RHBDL2: variants seen among roughly 807,000 people sequenced by gnomAD.
RHBDL2 encodes rhomboid like 2, also known as rhomboid-related protein 2.
Under a neutral mutation model 31.7 loss-of-function variants are expected in RHBDL2, and 26 were observed. The ratio of observed to expected loss-of-function variants is 0.82; its 90% CI spans 0.60 to 1.14. The LOEUF (loss-of-function observed/expected upper bound fraction) is 1.14, where lower values mean the gene tolerates loss of function less well. Among genes scored for constraint, RHBDL2 ranks in the 50% most tolerant of loss-of-function variants. The pLI is 0.00. For synonymous variants in RHBDL2, 123 were observed against 127.2 expected, an observed-to-expected ratio of 0.97 and a Z score of 0.22; for missense variants, 336 against 364.4, an observed-to-expected ratio of 0.92 and a Z score of 0.63.
Position 38,918,902 on chromosome 1 carries a change from AC to A in RHBDL2, c.246+64del, listed in dbSNP as rs967472153. The A allele has an allele frequency of 1.9e-6, 3 of 1,562,318 alleles. No homozygotes were observed. The African/African-American group carries it at 4.1e-5, about 21-fold the overall frequency. Reference sequence around the variant, plus strand: ...AGTCTCTTCTCTAGATCTAGATCTGACCCCTAGTTTGTTCCCAGCTTCCCCA... The same window carrying A: ...AGTCTCTTCTCTAGATCTAGATCTGACCCTAGTTTGTTCCCAGCTTCCCCA... On this transcript the variant is annotated intron_variant, in intron 2 of 7. Transcript: ENST00000372990.
intron 1 of RHBDL2, among the ~76,000 whole-genome samples, chr1:38,938,232 G>C (rs1643530316): frequency 1.3e-5 from 2 of 151,790 alleles, no homozygotes; most frequent in South Asian, 4.2e-4. Context: ...GGTCAGGCTG[G>C]TCTCGAACTC....
Position 38,897,776 on chromosome 1 carries a change from T to TA in RHBDL2, c.509-1708dup, listed in dbSNP as rs1553158164. 2.6e-5 allele frequency among the ~76,000 whole-genome samples: 4 copies of TA among 152,160 alleles called. No homozygotes were observed. In the East Asian group the frequency reaches 7.8e-4, roughly 29 times the overall value. On this transcript the variant is annotated intron_variant, in intron 4 of 7. Transcript: ENST00000372990. ...AAAAGAGAAGAAGGTATTCAGGACTTAGAGAACTGGAAAAGCAATGGCATA... is the reference window on the plus strand; with the variant it reads ...AAAAGAGAAGAAGGTATTCAGGACTTAAGAGAACTGGAAAAGCAATGGCATA...
At chr1:38,934,033 G>A (rs2124355018) in intron 1 of RHBDL2, among the ~76,000 whole-genome samples, 1 of 152,194 alleles carries the variant, frequency 6.6e-6, no homozygotes, top group East Asian at 1.9e-4. Flanking sequence ...GTGTCCACAA[G>A]TCTTCATAAA....
At chr1:38,925,966 T>C (rs1352262988) in intron 1 of RHBDL2, 1 of 1,270,952 alleles carries the variant, frequency 7.9e-7, no homozygotes, top group Non-Finnish European at 1.0e-6. Context: ...AAATTGCAAG[T>C]GTTGAATCTG....
chr1:38,931,583 G>A (rs962819688), intron 1 of RHBDL2, among the ~76,000 whole-genome samples: 1 of 151,820 alleles, frequency 6.6e-6, no homozygotes, highest in African/African-American at 2.4e-5. Flanking sequence ...ACAGCTCCCA[G>A]GGGATTCTTA....
intron 1 of RHBDL2, among the ~76,000 whole-genome samples, chr1:38,939,477 C>T (rs2124359942): frequency 6.6e-6 from 1 of 152,234 alleles, no homozygotes; most frequent in Admixed American, 6.5e-5. Flanking sequence ...TCCTGGGCAA[C>T]ATGATGAAAC....
chr1:38,909,668 G>T (rs551209858), intron 4 of RHBDL2, among the ~76,000 whole-genome samples: 9 of 152,008 alleles, frequency 5.9e-5, no homozygotes, highest in African/African-American at 2.2e-4. Flanking sequence ...TTTGAACCTG[G>T]GAAACGGAGG....
At chr1:38,901,499 A>G (rs1171482382) in intron 4 of RHBDL2, among the ~76,000 whole-genome samples, 8 of 151,138 alleles carry the variant, frequency 5.3e-5, no homozygotes, top group Non-Finnish European at 7.4e-5. Flanking sequence ...AAAGAAGGAA[A>G]GAAAAAAAGA....
At chr1:38,922,075 G>T (rs140229302) in intron 1 of RHBDL2, among the ~76,000 whole-genome samples, 1 of 152,208 alleles carries the variant, frequency 6.6e-6, no homozygotes, top group African/African-American at 2.4e-5. Flanking sequence ...ACAACTTCAA[G>T]ACCACCATTT....
At chr1:38,895,094 G>A (rs1369951406) in intron 5 of RHBDL2, among the ~76,000 whole-genome samples, 2 of 152,082 alleles carry the variant, frequency 1.3e-5, no homozygotes, top group Non-Finnish European at 2.9e-5. Flanking sequence ...AATAAATCAT[G>A]GTGCATCTAT....
intron 1 of RHBDL2, among the ~76,000 whole-genome samples, chr1:38,922,698 C>T (rs1254797697): frequency 1.4e-5 from 2 of 147,902 alleles, no homozygotes; most frequent in African/African-American, 2.5e-5. Context: ...ACAGGTGCTC[C>T]TTCCAGTCTC....
In RHBDL2 at chr1:38,919,095, C is replaced by T. The variant is rs750379536; in HGVS notation, c.118G>A (p.Ala40Thr). Residue 40 changes from alanine to threonine, a missense_variant, in exon 2 of 8, where the codon GCC becomes ACC. By Grantham distance (58) the Ala-to-Thr change is moderately conservative. Transcript: ENST00000372990. ...MREDGGGKDR[A>T]KSKKVHRIVS... Reference sequence around the variant, plus strand: ...ATCCTGTGGACCTTTTTACTCTTGGCCCGATCTTTACCTCCCCCATCCTCT... The same window carrying T: ...ATCCTGTGGACCTTTTTACTCTTGGTCCGATCTTTACCTCCCCCATCCTCT... 1 of 1,614,158 alleles carries T rather than the reference C, an allele frequency of 6.2e-7. No individual in the cohort carries two copies. Among genetic ancestry groups the T allele is most frequent in the South Asian group, 1.1e-5 (1 of 91,084 alleles).
At position 38,886,521 on chromosome 1, in the gene RHBDL2, G is replaced by A; in HGVS notation, c.895C>T (p.Leu299=). ...GGGGCAGGTCAGTTTGCTGGAGATA[G>A]GAAAATGTTGAAAAACACAGCAAAT... The part of the protein sequence containing the change: ...VLFAVFFNIF[L]SPAN The change falls in exon 8 of 8, where the codon CTA becomes TTA. Residue 299 remains leucine, a synonymous_variant. Coordinates refer to ENST00000372990, the MANE Select transcript of RHBDL2 (RefSeq NM_017821.5). 1 of 1,584,518 alleles carries A rather than the reference G, an allele frequency of 6.3e-7. No individual in the cohort carries two copies. The highest frequency in any genetic ancestry group is 8.6e-7 in the Non-Finnish European group (1 of 1,160,232).
At chr1:38,934,035 C>A (rs1643466039) in intron 1 of RHBDL2, among the ~76,000 whole-genome samples, 1 of 152,076 alleles carries the variant, frequency 6.6e-6, no homozygotes. Context: ...GTCCACAAGT[C>A]TTCATAAATC....
intron 1 of RHBDL2, chr1:38,925,984 CA>C: frequency 7.9e-7 from 1 of 1,270,588 alleles, no homozygotes; most frequent in Non-Finnish European, 1.0e-6. Flanking sequence ...CTGCAAATGT[CA>C]AAGACTTCCA....
At chr1:38,908,804 T>C (rs1039721684) in intron 4 of RHBDL2, among the ~76,000 whole-genome samples, 17 of 152,192 alleles carry the variant, frequency 1.1e-4, no homozygotes, top group African/African-American at 4.1e-4. Context: ...GTCAGCTCAA[T>C]TATACTTGTG....
chr1:38,908,532 A>C (rs1364184960), intron 4 of RHBDL2, among the ~76,000 whole-genome samples: 2 of 151,558 alleles, frequency 1.3e-5, no homozygotes, highest in Non-Finnish European at 2.9e-5. Context: ...AAAAAAAAAA[A>C]AAAAACCATG....
chr1:38,891,143 C>T (rs916250920), intron 6 of RHBDL2, among the ~76,000 whole-genome samples: 1 of 151,368 alleles, frequency 6.6e-6, no homozygotes, highest in East Asian at 1.9e-4. Flanking sequence ...GTGGCATGCA[C>T]CTGTTGACAG....
At chr1:38,889,828 C>T (rs1176031664) in intron 6 of RHBDL2, among the ~76,000 whole-genome samples, 1 of 152,166 alleles carries the variant, frequency 6.6e-6, no homozygotes, top group Non-Finnish European at 1.5e-5. Context: ...ACTTAGTGAG[C>T]CACTGTGTCC....
Sources: allele counts gnomAD v4.1 joint callset (sites outside exome capture counted in the v4.1 genomes callset), GRCh38; gene constraint gnomAD v4.1.1; transcripts MANE v1.5; gene names NCBI Gene and HGNC (gene_info 2026-07-23, HGNC 2026-07-21).